C7orf78: variants seen among roughly 807,000 people sequenced by gnomAD.
C7orf78 encodes chromosome 7 open reading frame 78, also known as putative uncharacterized protein C7orf78.
chr7:12,497,312 A>T, the C7orf78 span, among the ~76,000 whole-genome samples: 1 of 152,142 alleles, frequency 6.6e-6, no homozygotes. Flanking sequence ...CATCTAAGGT[A>T]CCGGGTTCAT....
chr7:12,488,320 T>C, the C7orf78 span, among the ~76,000 whole-genome samples: 1 of 152,080 alleles, frequency 6.6e-6, no homozygotes, highest in South Asian at 2.1e-4. Context: ...AAATTTCCTA[T>C]ATCTGAGAAA....
the C7orf78 span, among the ~76,000 whole-genome samples, chr7:12,527,765 G>A: frequency 1.3e-4 from 19 of 147,676 alleles, no homozygotes; most frequent in East Asian, 4.2e-4. Flanking sequence ...ACTCACTTTC[G>A]TAGAAAATGC....
chr7:12,511,997 G>A, the C7orf78 span, among the ~76,000 whole-genome samples: 8 of 136,358 alleles, frequency 5.9e-5, no homozygotes, highest in Admixed American at 1.7e-4. Context: ...GGATGGTCTC[G>A]ATCTCCTGAC....
At chr7:12,516,042 G>T in the C7orf78 span, among the ~76,000 whole-genome samples, 38 of 152,338 alleles carry the variant, frequency 2.5e-4, no homozygotes, top group African/African-American at 8.9e-4. Flanking sequence ...GGAGCCAAAT[G>T]TTAATTCCCA....
the C7orf78 span, among the ~76,000 whole-genome samples, chr7:12,540,671 T>G: frequency 6.6e-6 from 1 of 152,212 alleles, no homozygotes; most frequent in Non-Finnish European, 1.5e-5. Context: ...AATTTGACCG[T>G]TTGGCCAACA....
the C7orf78 span, among the ~76,000 whole-genome samples, chr7:12,503,674 A>G: frequency 1.3e-5 from 2 of 152,134 alleles, no homozygotes; most frequent in South Asian, 4.1e-4. Context: ...TTTGTTACAC[A>G]TGTATACATG....
At chr7:12,541,080 A>C in the C7orf78 span, 1 of 152,230 alleles carries the variant, frequency 6.6e-6, no homozygotes, top group African/African-American at 2.4e-5. Flanking sequence ...TAAAACAACA[A>C]ATGAAAGTTG....
chr7:12,527,144 C>A, the C7orf78 span, among the ~76,000 whole-genome samples: 180 of 147,446 alleles, frequency 1.2e-3, no homozygotes, highest in African/African-American at 4.5e-3. Flanking sequence ...TAGAAAATGC[C>A]ACCTAGCTGT....
At chr7:12,530,289 A>G in the C7orf78 span, 1 of 152,142 alleles carries the variant, frequency 6.6e-6, no homozygotes, top group Non-Finnish European at 1.5e-5. Context: ...ACCTTAAAAG[A>G]TATGAGACTG....
At chr7:12,506,870 C>T in the C7orf78 span, 2 of 462,956 alleles carry the variant, frequency 4.3e-6, no homozygotes, top group Non-Finnish European at 8.8e-6. Flanking sequence ...GAAAAGTCTA[C>T]AGTGTTGTAT....
At chr7:12,506,800 G>A in the C7orf78 span, 1 of 372,046 alleles carries the variant, frequency 2.7e-6, no homozygotes, top group Non-Finnish European at 5.2e-6. Context: ...AATAAAAAGG[G>A]ACAGAGATGA....
chr7:12,534,510 T>A, the C7orf78 span, among the ~76,000 whole-genome samples: 5 of 152,108 alleles, frequency 3.3e-5, no homozygotes, highest in Non-Finnish European at 7.4e-5. Flanking sequence ...AACTACAAAC[T>A]TCTGTTAAAA....
the C7orf78 span, among the ~76,000 whole-genome samples, chr7:12,514,685 C>A: frequency 1.3e-5 from 2 of 151,856 alleles, no homozygotes; most frequent in African/African-American, 4.8e-5. Flanking sequence ...TATTTGACTC[C>A]TTTCTCTTCC....
the C7orf78 span, among the ~76,000 whole-genome samples, chr7:12,487,410 C>T: frequency 1.3e-5 from 2 of 152,128 alleles, no homozygotes; most frequent in African/African-American, 2.4e-5. Flanking sequence ...GATATGTTCA[C>T]GGCCTTCAAA....
the C7orf78 span, among the ~76,000 whole-genome samples, chr7:12,516,795 A>T: frequency 6.6e-6 from 1 of 152,098 alleles, no homozygotes; most frequent in East Asian, 1.9e-4. Context: ...GGGCCCTGTA[A>T]CCCCTTTGTT....
chr7:12,518,943 A>AG, the C7orf78 span, among the ~76,000 whole-genome samples: 15 of 152,166 alleles, frequency 9.9e-5, no homozygotes, highest in Non-Finnish European at 1.9e-4. Flanking sequence ...GGTGAGTGTG[A>AG]GGAGCCTGAT....
At chr7:12,512,417 A>G in the C7orf78 span, among the ~76,000 whole-genome samples, 4 of 152,150 alleles carry the variant, frequency 2.6e-5, no homozygotes, top group Non-Finnish European at 4.4e-5. Context: ...AATTTTATCA[A>G]ATTCTTTTTC....
chr7:12,501,515 A>C, the C7orf78 span, among the ~76,000 whole-genome samples: 1 of 150,740 alleles, frequency 6.6e-6, no homozygotes, highest in Non-Finnish European at 1.5e-5. Flanking sequence ...CTAGGAATCC[A>C]ACTTACAAGG....
the C7orf78 span, among the ~76,000 whole-genome samples, chr7:12,538,779 G>A: frequency 1.1e-4 from 17 of 152,066 alleles, no homozygotes; most frequent in African/African-American, 1.7e-4. Flanking sequence ...GAAGACCCCC[G>A]TTTTCCTTTC....
Sources: allele counts gnomAD v4.1 joint callset (sites outside exome capture counted in the v4.1 genomes callset), GRCh38; gene constraint gnomAD v4.1.1; transcripts MANE v1.5; gene names NCBI Gene and HGNC (gene_info 2026-07-23, HGNC 2026-07-21).